MZT1: variants seen among roughly 807,000 people sequenced by gnomAD.
MZT1 encodes the protein mitotic spindle organizing protein 1.
A neutral mutation model predicts 8.5 loss-of-function variants in MZT1; 8 were observed. The ratio of observed to expected loss-of-function variants is 0.94; its 90% CI spans 0.55 to 1.70. The LOEUF is 1.70. MZT1 is among the 40% of genes most tolerant of loss of function. The pLI is 0.00. For synonymous variants in MZT1, 38 were observed against 42.0 expected (o/e 0.90, Z 0.37); for missense variants, 93 against 108.6 (o/e 0.86, Z 0.64).
chr13:72,714,389 C>A (rs2138008102), intron 2 of MZT1, among the ~76,000 whole-genome samples: 1 of 152,316 alleles, frequency 6.6e-6, no homozygotes, highest in Middle Eastern at 3.4e-3. Context: ...AAATGTGCAA[C>A]CTGTCCATGT....
rs550488057 is a variant in MZT1, at chr13:72,714,089, C to T, written c.226-3744G>A. 8.6e-5 allele frequency among the ~76,000 whole-genome samples: 13 copies of T among 151,710 alleles called. No homozygotes were observed. In the South Asian group the frequency reaches 1.9e-3, roughly 22 times the overall value. ...GACAGCATTTCAGAGATCTAAGACA[C>T]GGCCCTTCCCATGACAGTCTCCGAG... On this transcript the variant is annotated intron_variant, in intron 2 of 2. Coordinates refer to ENST00000377818, the MANE Select transcript of MZT1 (RefSeq NM_001071775.3).
chr13:72,722,532 T>G, intron 1 of MZT1, among the ~76,000 whole-genome samples: 1 of 152,220 alleles, frequency 6.6e-6, no homozygotes, highest in East Asian at 1.9e-4. Context: ...TAGATTTATT[T>G]TAGGTGTCCT....
chr13:72,716,990 C>G (rs567396030), intron 2 of MZT1, among the ~76,000 whole-genome samples: 1 of 152,284 alleles, frequency 6.6e-6, no homozygotes, highest in Non-Finnish European at 1.5e-5. Context: ...CCTTCTTTCA[C>G]TTCATCCTGT....
At chr13:72,725,318 A>G (rs2032638106) in intron 1 of MZT1, among the ~76,000 whole-genome samples, 1 of 152,168 alleles carries the variant, frequency 6.6e-6, no homozygotes, top group Non-Finnish European at 1.5e-5. Flanking sequence ...CAGAGATCTC[A>G]TGCAGACCTT....
At chr13:72,725,264 G>A (rs1006441250) in intron 1 of MZT1, among the ~76,000 whole-genome samples, 11 of 152,096 alleles carry the variant, frequency 7.2e-5, no homozygotes, top group African/African-American at 2.7e-4. Context: ...GAAAAGGCAC[G>A]ACTATTTTAA....
At chr13:72,720,269 T>C (rs2032579359) in intron 1 of MZT1, among the ~76,000 whole-genome samples, 1 of 152,208 alleles carries the variant, frequency 6.6e-6, no homozygotes, top group Non-Finnish European at 1.5e-5. Context: ...CATGTCTATC[T>C]TTTGTAAGGG....
At chr13:72,722,838 A>C (rs879920221) in intron 1 of MZT1, among the ~76,000 whole-genome samples, 6 of 152,108 alleles carry the variant, frequency 3.9e-5, no homozygotes, top group Non-Finnish European at 8.8e-5. Context: ...GAACAGGTCT[A>C]TCCTGATAAT....
At chr13:72,714,130 C>T (rs955945539) in intron 2 of MZT1, among the ~76,000 whole-genome samples, 1 of 151,864 alleles carries the variant, frequency 6.6e-6, no homozygotes, top group East Asian at 2.0e-4. Context: ...GGATCAGGAC[C>T]TGGAGCAAAG....
chr13:72,724,095 T>C (rs986172984), intron 1 of MZT1, among the ~76,000 whole-genome samples: 1 of 152,220 alleles, frequency 6.6e-6, no homozygotes, highest in Non-Finnish European at 1.5e-5. Context: ...CCTGAACTGC[T>C]ATTGTGAAGG....
At chr13:72,727,428 C>T in intron 1 of MZT1, 96 bp downstream of exon 1, 1 of 1,245,258 alleles carries the variant, frequency 8.0e-7, no homozygotes, top group South Asian at 1.2e-5. Flanking sequence ...GTTTGGGGCA[C>T]TAAGGGGACC....
rs887421450 is a variant in MZT1, at chr13:72,709,330, T to G, written c.*992A>C. ...ACACATCACCCATCTAATAAGATTG[T>G]TTAGTTTTGTTTAATGACTGGAAAT... is the stretch of plus-strand genomic sequence containing the variant. On this transcript the variant is annotated 3_prime_UTR_variant, in exon 3 of 3. Coordinates refer to ENST00000377818, the MANE Select transcript of MZT1 (RefSeq NM_001071775.3). 6.6e-6 allele frequency: 1 copy of G among 151,978 alleles called. No homozygotes were observed. The highest frequency in any genetic ancestry group is 2.4e-5 in the African/African-American group (1 of 41,438). The allele number at this position is 151,978 out of a possible 1,614,324, so 9.4% of individuals were successfully genotyped here.
At position 72,709,554 on chromosome 13, in the gene MZT1, A is replaced by G. The variant is rs1404964361; in HGVS notation, c.*768T>C. ...TATTTATAGGATATAAAACTTTAAG[A>G]AAACATTCTCAACTAACATTCTCAT... On this transcript the variant is annotated 3_prime_UTR_variant, in exon 3 of 3. Transcript: ENST00000377818. 6 of 152,042 alleles carry G rather than the reference A, an allele frequency of 3.9e-5. No homozygotes were observed. Among genetic ancestry groups the G allele is most frequent in the Admixed American group, 2.6e-4 (4 of 15,268 alleles). 9.4% of individuals were successfully genotyped at this position (152,042 alleles called of 1,614,324 possible).
intron 1 of MZT1, among the ~76,000 whole-genome samples, chr13:72,726,383 G>T: frequency 6.6e-6 from 1 of 152,172 alleles, no homozygotes; most frequent in East Asian, 1.9e-4. Context: ...GTGAGCCGAG[G>T]TTGCGCCATT....
intron 1 of MZT1, among the ~76,000 whole-genome samples, chr13:72,724,189 A>G (rs1241629172): frequency 6.6e-6 from 1 of 152,228 alleles, no homozygotes; most frequent in East Asian, 1.9e-4. Context: ...CTACTGGATG[A>G]TATAAAATAG....
At chr13:72,727,366 C>T (rs569158696) in intron 1 of MZT1, among the ~76,000 whole-genome samples, 158 bp downstream of exon 1, 1 of 152,338 alleles carries the variant, frequency 6.6e-6, no homozygotes, top group Admixed American at 6.5e-5. Context: ...AGGGATAGGG[C>T]CATCAGCCCT....
intron 2 of MZT1, among the ~76,000 whole-genome samples, chr13:72,712,404 T>C (rs1045363867): frequency 6.6e-6 from 1 of 152,208 alleles, no homozygotes. Flanking sequence ...TCCTTCTGCT[T>C]TGGCCTCCCA....
chr13:72,718,130 A>C (rs2032554554), intron 2 of MZT1, among the ~76,000 whole-genome samples: 1 of 152,230 alleles, frequency 6.6e-6, no homozygotes, highest in Admixed American at 6.5e-5. Context: ...CCAAGGCGTT[A>C]GCTGGGTCAT....
intron 1 of MZT1, among the ~76,000 whole-genome samples, chr13:72,724,200 G>C (rs1353710110): frequency 2.6e-5 from 4 of 152,134 alleles, no homozygotes; most frequent in Admixed American, 6.5e-5. Context: ...TATAAAATAG[G>C]AACATAAAAA....
intron 1 of MZT1, among the ~76,000 whole-genome samples, chr13:72,722,868 C>T (rs2032604319): frequency 6.6e-6 from 1 of 152,146 alleles, no homozygotes; most frequent in African/African-American, 2.4e-5. Context: ...TTACTATTTC[C>T]TATTTTTTTA....
Sources: allele counts gnomAD v4.1 joint callset (sites outside exome capture counted in the v4.1 genomes callset), GRCh38; gene constraint gnomAD v4.1.1; transcripts MANE v1.5; gene names NCBI Gene and HGNC (gene_info 2026-07-23, HGNC 2026-07-21).